TENM1: variants seen among roughly 807,000 people sequenced by gnomAD.
TENM1 encodes the protein teneurin-1.
TENM1 carries 35 observed loss-of-function variants against 174.8 expected under a neutral mutation model. The observed-to-expected ratio is 0.20, with a 90% CI of 0.15 to 0.27. TENM1 has a LOEUF of 0.27. Ranked by LOEUF, TENM1 falls within the 10% of genes least tolerant of loss-of-function variation. The pLI is 1.00. For missense variants in TENM1, 1,633 were observed against 2,130.1 expected, an observed-to-expected ratio of 0.77 and a Z score of 4.59; for synonymous variants, 781 against 798.7, an observed-to-expected ratio of 0.98 and a Z score of 0.37.
intron 15 of TENM1, among the ~76,000 whole-genome samples, chrX:124,542,568 T>C (rs899808833): frequency 2.7e-5 from 3 of 111,648 alleles, no homozygotes; most frequent in Non-Finnish European, 5.6e-5. Context: ...AGCAGGACTG[T>C]TGCAAGATTT....
intron 3 of TENM1, among the ~76,000 whole-genome samples, chrX:124,850,774 GA>G (rs894099894): frequency 9.3e-6 from 1 of 107,346 alleles, no homozygotes; most frequent in Non-Finnish European, 1.9e-5. Flanking sequence ...CACAATAGAA[GA>G]AAAAAAAACA....
intron 9 of TENM1, among the ~76,000 whole-genome samples, chrX:124,645,586 T>TA (rs1282114212): frequency 8.9e-6 from 1 of 112,218 alleles, no homozygotes; most frequent in Non-Finnish European, 1.9e-5. Context: ...ACCCTACTCT[T>TA]AAACTGTTAT....
At chrX:124,888,359 G>A (rs1057152129) in intron 3 of TENM1, among the ~76,000 whole-genome samples, 1 of 111,270 alleles carries the variant, frequency 9.0e-6, no homozygotes, top group Non-Finnish European at 1.9e-5. Flanking sequence ...GAAATCAACA[G>A]GACTTCTGAG....
chrX:124,807,108 A>G (rs1474085948), intron 3 of TENM1, among the ~76,000 whole-genome samples: 4 of 111,262 alleles, frequency 3.6e-5, no homozygotes, highest in Non-Finnish European at 7.5e-5. Flanking sequence ...AGTCTTTTAA[A>G]CAATCAGATC....
intron 3 of TENM1, among the ~76,000 whole-genome samples, chrX:124,885,152 T>C (rs1455509200): frequency 1.8e-5 from 2 of 111,235 alleles, no homozygotes; most frequent in East Asian, 5.6e-4. Context: ...ATACAGCACA[T>C]GACTGTAGTT....
the TENM1 span, among the ~76,000 whole-genome samples, chrX:125,094,030 C>T: frequency 8.9e-6 from 1 of 112,266 alleles, no homozygotes; most frequent in Non-Finnish European, 1.9e-5. Flanking sequence ...CAAGGTGCCA[C>T]CTTCAGGCTG....
chrX:125,198,165 T>G, the TENM1 span, among the ~76,000 whole-genome samples: 1 of 112,307 alleles, frequency 8.9e-6, no homozygotes, highest in Non-Finnish European at 1.9e-5. Context: ...ACCAGTATGC[T>G]TTCTGGTGAC....
the TENM1 span, among the ~76,000 whole-genome samples, chrX:124,988,440 A>C: frequency 8.9e-6 from 1 of 112,131 alleles, no homozygotes; most frequent in African/African-American, 3.2e-5. Flanking sequence ...CCAAATCCAA[A>C]AGGGAACTTT....
At chrX:124,461,451 G>A (rs867731897) in intron 22 of TENM1, among the ~76,000 whole-genome samples, 1 of 111,664 alleles carries the variant, frequency 9.0e-6, no homozygotes, top group Non-Finnish European at 1.9e-5. Context: ...CTGCACTCCC[G>A]TGTTTATTGC....
At chrX:124,722,839 CAA>C (rs761441453) in intron 4 of TENM1, among the ~76,000 whole-genome samples, 9 of 24,739 alleles carry the variant, frequency 3.6e-4, no homozygotes, top group Non-Finnish European at 4.1e-4. Context: ...GACTCCGTCT[CAA>C]AAAAAAAAAA....
intron 22 of TENM1, among the ~76,000 whole-genome samples, chrX:124,467,160 C>T (rs1482041324): frequency 9.0e-6 from 1 of 111,448 alleles, no homozygotes; most frequent in Non-Finnish European, 1.9e-5. Context: ...TTGTGTTGCC[C>T]CTAAACACAG....
At chrX:124,951,673 T>TATATGTATATATATAA (rs767583231) in intron 1 of TENM1, among the ~76,000 whole-genome samples, 2 of 66,078 alleles carry the variant, frequency 3.0e-5, no homozygotes, top group Admixed American at 1.9e-4. Flanking sequence ...TATATATATA[T>TATATGTATATATATAA]AACAATCAAT....
intron 14 of TENM1, among the ~76,000 whole-genome samples, chrX:124,553,854 C>T (rs1056865445): frequency 1.8e-5 from 2 of 111,720 alleles, no homozygotes; most frequent in Non-Finnish European, 1.9e-5. Flanking sequence ...CCTGTAATCC[C>T]AGCACTTTGG....
At chrX:124,777,999 A>G (rs7060107) in intron 3 of TENM1, among the ~76,000 whole-genome samples, 5,994 of 112,817 alleles carry the variant, frequency 0.053, 280 homozygotes, top group African/African-American at 0.15. Context: ...AACAGTCGAT[A>G]GGCCAGATTT....
intron 1 of TENM1, among the ~76,000 whole-genome samples, chrX:124,958,523 G>A (rs1441945049): frequency 9.0e-6 from 1 of 111,343 alleles, no homozygotes; most frequent in Non-Finnish European, 1.9e-5. Context: ...GAAAATGAAG[G>A]GAAACTAACA....
At chrX:124,888,929 T>C (rs766800596) in intron 3 of TENM1, among the ~76,000 whole-genome samples, 2 of 112,393 alleles carry the variant, frequency 1.8e-5, no homozygotes, top group Non-Finnish European at 3.8e-5. Flanking sequence ...AGCAGGTAAA[T>C]GGCAGAACTA....
At chrX:124,492,433 T>C (rs984652985) in intron 20 of TENM1, among the ~76,000 whole-genome samples, 2 of 111,050 alleles carry the variant, frequency 1.8e-5, no homozygotes, top group East Asian at 2.8e-4. Context: ...ATAAAGCAAA[T>C]ATATAAATCC....
chrX:124,921,022 C>T (rs1016508818), intron 1 of TENM1, among the ~76,000 whole-genome samples: 1 of 102,115 alleles, frequency 9.8e-6, no homozygotes, highest in African/African-American at 3.6e-5. Flanking sequence ...AAGACCTTAC[C>T]TCTAGTTTCC....
At chrX:125,024,082 A>G in the TENM1 span, among the ~76,000 whole-genome samples, 1 of 111,813 alleles carries the variant, frequency 8.9e-6, no homozygotes, top group South Asian at 3.7e-4. Flanking sequence ...AAAACAATAG[A>G]TGTTGGCATA....
Sources: allele counts gnomAD v4.1 joint callset (sites outside exome capture counted in the v4.1 genomes callset), GRCh38; gene constraint gnomAD v4.1.1; transcripts MANE v1.5; gene names NCBI Gene and HGNC (gene_info 2026-07-23, HGNC 2026-07-21).